ARHGEF28: variants seen among roughly 807,000 people sequenced by gnomAD.
The protein encoded by ARHGEF28 is Rho guanine nucleotide exchange factor 28, also known as 190 kDa guanine nucleotide exchange factor.
ARHGEF28 carries 152 observed loss-of-function variants against 206.6 expected under a neutral mutation model. The ratio of observed to expected loss-of-function variants is 0.74; its 90% CI spans 0.64 to 0.84. The LOEUF is 0.84. ARHGEF28 is among the 40% of genes least tolerant of loss of function. ARHGEF28 has a pLI of 0.00. For missense variants in ARHGEF28, 2,028 were observed against 2,073.2 expected, an observed-to-expected ratio of 0.98 and a Z score of 0.42; for synonymous variants, 763 against 776.4, an observed-to-expected ratio of 0.98 and a Z score of 0.29.
chr5:73,773,639 G>T (rs780704869), intron 4 of ARHGEF28, among the ~76,000 whole-genome samples: 2 of 152,276 alleles, frequency 1.3e-5, no homozygotes, highest in African/African-American at 4.8e-5. Flanking sequence ...TGTGCTCAGC[G>T]GACCTGGCCC....
intron 1 of ARHGEF28, among the ~76,000 whole-genome samples, chr5:73,655,254 G>T (rs148255636): frequency 8.1e-4 from 123 of 152,252 alleles, no homozygotes; most frequent in African/African-American, 2.8e-3. Flanking sequence ...CTAGGAGTTT[G>T]GCCTAACTAT....
rs569982836 is a variant in ARHGEF28 at position 73,773,937 on chromosome 5, G to A, written c.558G>A (p.Pro186=). The part of the protein sequence containing the change: ...AKLSQFFLCL[P]GGVQALALPN... ...TTTCCCAGTTCTTCTTGTGTCTCCC[G>A]GGGGGAGTCCAGGCCTTGGCTTTAC... The change falls in exon 5 of 36, where the codon CCG becomes CCA. Residue 186 remains proline, a synonymous_variant. Transcript: ENST00000513042. The A allele has an allele frequency of 6.8e-5, 109 of 1,606,960 alleles. No homozygotes were observed. Among genetic ancestry groups the A allele is most frequent in the South Asian group, 4.5e-4 (40 of 89,206 alleles).
rs754256718 is a variant in ARHGEF28 at position 73,832,435 on chromosome 5, C to T, written c.1122C>T (p.Tyr374=). ...TGCTGAATGGAGGTGATGAAGTCTACGCTAACTGTATGGTGATTGATCAGG... is the reference window on the plus strand; with the variant it reads ...TGCTGAATGGAGGTGATGAAGTCTATGCTAACTGTATGGTGATTGATCAGG... The part of the protein sequence containing the change: ...SDMLNGGDEV[Y]ANCMVIDQVG... The change falls in exon 10 of 36, where the codon TAC becomes TAT. Residue 374 remains tyrosine, a synonymous_variant. Coordinates refer to ENST00000513042, the MANE Select transcript of ARHGEF28 (RefSeq NM_001177693.2). 2.2e-5 allele frequency: 36 copies of T among 1,612,308 alleles called. No individual in the cohort carries two copies. Among genetic ancestry groups the T allele is most frequent in the East Asian group, 1.3e-4 (6 of 44,858 alleles).
Position 73,795,365 on chromosome 5 carries a change from A to G in ARHGEF28, c.998A>G (p.His333Arg). The G allele has an allele frequency of 1.2e-6, 2 of 1,613,930 alleles. No individual in the cohort carries two copies. The highest frequency in any genetic ancestry group is 1.7e-6 in the Non-Finnish European group (2 of 1,179,830). ...VKSLVVQHNE[H>R]EDQHSLDLDR... ...AGCCTGGTGGTTCAACACAATGAAC[A>G]TGAAGACCAGCACAGCCTAGATTTG... is the stretch of plus-strand genomic sequence containing the variant. The change falls in exon 9 of 36, where the codon CAT (histidine) becomes CGT (arginine). Residue 333 changes from histidine (H) to arginine (R), a missense_variant. Coordinates refer to ENST00000513042, the MANE Select transcript of ARHGEF28 (RefSeq NM_001177693.2).
chr5:73,895,942 A>C (rs1389355089), intron 29 of ARHGEF28, among the ~76,000 whole-genome samples: 2 of 152,194 alleles, frequency 1.3e-5, no homozygotes, highest in Non-Finnish European at 2.9e-5. Flanking sequence ...TGAGAAGGGC[A>C]TAGAGGTCTG....
chr5:73,868,800 C>A (rs1301463606), intron 20 of ARHGEF28, among the ~76,000 whole-genome samples: 2 of 152,114 alleles, frequency 1.3e-5, no homozygotes, highest in African/African-American at 4.8e-5. Context: ...GTGCGCATCA[C>A]CACCCCCAGC....
intron 22 of ARHGEF28, among the ~76,000 whole-genome samples, chr5:73,877,868 TG>T (rs1291245607): frequency 2.6e-5 from 4 of 152,116 alleles, no homozygotes; most frequent in Admixed American, 6.5e-5. Context: ...GGAATAGGTG[TG>T]GTGTGGTGTG....
intron 35 of ARHGEF28, among the ~76,000 whole-genome samples, chr5:73,929,819 C>G (rs368640679): frequency 6.6e-6 from 1 of 151,874 alleles, no homozygotes; most frequent in African/African-American, 2.4e-5. Context: ...TCTGTGTTAC[C>G]GCTACATTTT....
intron 1 of ARHGEF28, among the ~76,000 whole-genome samples, chr5:73,670,991 G>A (rs960276799): frequency 7.9e-5 from 12 of 151,684 alleles, no homozygotes; most frequent in Non-Finnish European, 1.2e-4. Flanking sequence ...AGCATTCTTA[G>A]CCTTTTTTTT....
At position 73,940,951 on chromosome 5, in the gene ARHGEF28, A is replaced by C; in HGVS notation, c.5056A>C (p.Thr1686Pro). Residue 1686 changes from threonine to proline, a missense_variant, in exon 36 of 36, where the codon ACA (threonine) becomes CCA (proline). Thr to Pro is a conservative substitution (Grantham distance 38, BLOSUM62 -1). Transcript: ENST00000513042. The stretch of plus-strand genomic sequence containing the variant: ...AGCAAAGCTAAATCTACCGACAAGG[A>C]CAATGACCAGACAAGATGGGGAAAC... ...TEAKLNLPTR[T>P]MTRQDGETGD... 1 of 1,534,550 alleles carries C rather than the reference A, an allele frequency of 6.5e-7. No individual in the cohort carries two copies. Among genetic ancestry groups the C allele is most frequent in the East Asian group, 2.5e-5 (1 of 40,774 alleles).
chr5:73,786,114 T>A (rs1754142328), intron 7 of ARHGEF28, among the ~76,000 whole-genome samples: 1 of 151,342 alleles, frequency 6.6e-6, no homozygotes, highest in Non-Finnish European at 1.5e-5. Flanking sequence ...GTAGTTTGCT[T>A]GCATTTAATT....
intron 2 of ARHGEF28, among the ~76,000 whole-genome samples, chr5:73,738,261 A>G (rs1049934403): frequency 1.1e-4 from 17 of 152,092 alleles, no homozygotes; most frequent in Admixed American, 6.5e-5. Context: ...ACCACCAGGG[A>G]TTTCTGGTCC....
chr5:73,645,062 T>G (rs1744347214), intron 1 of ARHGEF28, among the ~76,000 whole-genome samples: 1 of 152,228 alleles, frequency 6.6e-6, no homozygotes, highest in African/African-American at 2.4e-5. Context: ...TCAACAATTC[T>G]GGGAGGTAGG....
chr5:73,927,214 A>T (rs1019971526), intron 35 of ARHGEF28, among the ~76,000 whole-genome samples: 17 of 151,580 alleles, frequency 1.1e-4, no homozygotes, highest in South Asian at 8.4e-4. Context: ...AAATAAAAAT[A>T]AAAAATAAAA....
intron 1 of ARHGEF28, among the ~76,000 whole-genome samples, chr5:73,673,131 T>C (rs1028520106): frequency 2.0e-5 from 3 of 152,226 alleles, no homozygotes; most frequent in African/African-American, 7.2e-5. Context: ...TGTTGTGTGT[T>C]CAATAATAGG....
intron 1 of ARHGEF28, among the ~76,000 whole-genome samples, chr5:73,680,607 C>A (rs1191194268): frequency 6.6e-6 from 1 of 151,778 alleles, no homozygotes; most frequent in African/African-American, 2.4e-5. Context: ...CAGAAATCAC[C>A]ACTAAAGAAC....
chr5:73,784,360 TTA>T (rs1385449127), intron 7 of ARHGEF28, among the ~76,000 whole-genome samples: 7 of 152,208 alleles, frequency 4.6e-5, no homozygotes, highest in Non-Finnish European at 1.0e-4. Flanking sequence ...TACGATCCAG[TTA>T]TGTTTCTATA....
intron 1 of ARHGEF28, among the ~76,000 whole-genome samples, chr5:73,633,488 A>G (rs1743500216): frequency 6.6e-6 from 1 of 152,132 alleles, no homozygotes; most frequent in Non-Finnish European, 1.5e-5. Context: ...ATAAGATTGT[A>G]AAAAGGACTC....
chr5:73,800,679 C>G (rs1755077782), intron 9 of ARHGEF28, among the ~76,000 whole-genome samples: 2 of 151,868 alleles, frequency 1.3e-5, no homozygotes, highest in Admixed American at 1.3e-4. Context: ...GTCTAGAGGC[C>G]AGTTGGGAAA....
Sources: allele counts gnomAD v4.1 joint callset (sites outside exome capture counted in the v4.1 genomes callset), GRCh38; gene constraint gnomAD v4.1.1; transcripts MANE v1.5; gene names NCBI Gene and HGNC (gene_info 2026-07-23, HGNC 2026-07-21).